KCNQ5: variants seen among roughly 807,000 people sequenced by gnomAD.
The protein encoded by KCNQ5 is potassium voltage-gated channel subfamily Q member 5, also known as potassium voltage-gated channel subfamily KQT member 5.
In KCNQ5, 30 loss-of-function variants were observed where a neutral mutation model predicts 98.2. The observed-to-expected ratio is 0.31, with a 90% CI of 0.23 to 0.41. The LOEUF (loss-of-function observed/expected upper bound fraction) is 0.41. KCNQ5 is among the 10% of genes least tolerant of loss of function. The pLI is 1.00. For missense variants in KCNQ5, 835 were observed against 1,182.5 expected, an observed-to-expected ratio of 0.71 and a Z score of 4.31; for synonymous variants, 458 against 449.4, an observed-to-expected ratio of 1.02 and a Z score of -0.24.
chr6:72,726,253 C>T (rs1770265871), intron 1 of KCNQ5, among the ~76,000 whole-genome samples: 1 of 149,744 alleles, frequency 6.7e-6, no homozygotes, highest in East Asian at 1.9e-4. Context: ...CTCTGTCGCC[C>T]AGGCTGGAGT....
intron 1 of KCNQ5, among the ~76,000 whole-genome samples, chr6:72,713,031 G>A (rs1769448887): frequency 6.6e-6 from 1 of 152,138 alleles, no homozygotes; most frequent in Non-Finnish European, 1.5e-5. Context: ...TAGGTGCTCA[G>A]TAATATGTAC....
At chr6:72,712,758 T>C (rs543384770) in intron 1 of KCNQ5, among the ~76,000 whole-genome samples, 1 of 152,332 alleles carries the variant, frequency 6.6e-6, no homozygotes, top group South Asian at 2.1e-4. Flanking sequence ...CTCCTGTTAC[T>C]TCACTCTGTA....
At chr6:72,889,292 A>G (rs1581962800) in intron 1 of KCNQ5, among the ~76,000 whole-genome samples, 1 of 152,166 alleles carries the variant, frequency 6.6e-6, no homozygotes, top group Non-Finnish European at 1.5e-5. Flanking sequence ...CTGTGGCTGG[A>G]ACAGAATGAG....
intron 1 of KCNQ5, among the ~76,000 whole-genome samples, chr6:72,844,990 A>G (rs1776957833): frequency 6.6e-6 from 1 of 152,238 alleles, no homozygotes; most frequent in Non-Finnish European, 1.5e-5. Context: ...TTAAGCAGTT[A>G]AGTCCAAGAA....
At chr6:72,645,631 G>T (rs1177281665) in intron 1 of KCNQ5, among the ~76,000 whole-genome samples, 1 of 152,130 alleles carries the variant, frequency 6.6e-6, no homozygotes, top group Non-Finnish European at 1.5e-5. Flanking sequence ...AGGAAGGGAA[G>T]AGGTAGTGAG....
chr6:73,020,493 T>C (rs1770553341), intron 2 of KCNQ5, among the ~76,000 whole-genome samples: 1 of 152,150 alleles, frequency 6.6e-6, no homozygotes, highest in Non-Finnish European at 1.5e-5. Context: ...GATGTTCAGC[T>C]ATACAGAAAT....
chr6:72,828,831 A>T (rs368525547), intron 1 of KCNQ5, among the ~76,000 whole-genome samples: 1 of 152,030 alleles, frequency 6.6e-6, no homozygotes, highest in East Asian at 1.9e-4. Flanking sequence ...AAGTGGTGAG[A>T]GTGGGCAGCC....
At chr6:73,154,673 G>T (rs1051713277) in intron 10 of KCNQ5, among the ~76,000 whole-genome samples, 2 of 151,984 alleles carry the variant, frequency 1.3e-5, no homozygotes, top group Admixed American at 6.6e-5. Flanking sequence ...AAATAAACAC[G>T]CAGCATACTA....
intron 10 of KCNQ5, among the ~76,000 whole-genome samples, chr6:73,146,950 TTA>T (rs367794852): frequency 3.9e-5 from 6 of 152,210 alleles, no homozygotes; most frequent in African/African-American, 1.4e-4. Flanking sequence ...GCTGTGAGTT[TTA>T]TGTCTTTGTT....
chr6:73,021,005 A>C (rs114642333), intron 2 of KCNQ5, among the ~76,000 whole-genome samples: 2,530 of 152,280 alleles, frequency 0.017, 24 homozygotes, highest in Middle Eastern at 0.054. Flanking sequence ...TGTGCCTTTA[A>C]AAATAATGTT....
At chr6:72,984,285 GC>G (rs1768631719) in intron 1 of KCNQ5, among the ~76,000 whole-genome samples, 2 of 152,180 alleles carry the variant, frequency 1.3e-5, no homozygotes, top group Admixed American at 1.3e-4. Flanking sequence ...GGTTTCTGCT[GC>G]CCTTTGTTCA....
intron 10 of KCNQ5, among the ~76,000 whole-genome samples, chr6:73,150,572 A>C (rs986583165): frequency 2.0e-5 from 3 of 149,322 alleles, no homozygotes; most frequent in Non-Finnish European, 3.0e-5. Flanking sequence ...CGTAGCATGT[A>C]TGTGCCACAA....
chr6:73,084,112 T>A (rs1179571284), intron 5 of KCNQ5, among the ~76,000 whole-genome samples: 1 of 151,976 alleles, frequency 6.6e-6, no homozygotes, highest in East Asian at 1.9e-4. Context: ...ATGAACAGAG[T>A]CACTGGGTTT....
chr6:72,835,070 T>C (rs1776442404), intron 1 of KCNQ5, among the ~76,000 whole-genome samples: 1 of 149,844 alleles, frequency 6.7e-6, no homozygotes, highest in Non-Finnish European at 1.5e-5. Flanking sequence ...AGTGGTAACT[T>C]TTTTTTCTTT....
chr6:73,034,683 G>A (rs59086608), intron 2 of KCNQ5, among the ~76,000 whole-genome samples: 1 of 152,110 alleles, frequency 6.6e-6, no homozygotes, highest in Non-Finnish European at 1.5e-5. Context: ...AAATGGTACA[G>A]CAGAGTTATA....
intron 1 of KCNQ5, among the ~76,000 whole-genome samples, chr6:72,935,328 C>T (rs1765867183): frequency 6.6e-6 from 1 of 152,128 alleles, no homozygotes; most frequent in Non-Finnish European, 1.5e-5. Context: ...ACCTCAGCCT[C>T]CCAAAGTGCT....
intron 1 of KCNQ5, among the ~76,000 whole-genome samples, chr6:72,727,538 T>C (rs1770346316): frequency 6.6e-6 from 1 of 152,192 alleles, no homozygotes; most frequent in South Asian, 2.1e-4. Flanking sequence ...TTTTTTTCAC[T>C]TTTGTAGACA....
intron 11 of KCNQ5, among the ~76,000 whole-genome samples, chr6:73,171,936 C>G (rs1778030477): frequency 6.6e-6 from 1 of 152,108 alleles, no homozygotes; most frequent in African/African-American, 2.4e-5. Context: ...TGCTTTACAA[C>G]CTATAAAAAG....
At chr6:73,174,082 CT>C (rs202158532) in intron 11 of KCNQ5, among the ~76,000 whole-genome samples, 5,299 of 137,160 alleles carry the variant, frequency 0.039, 113 homozygotes, top group East Asian at 0.13. Context: ...CAAGGCTACT[CT>C]TTTTTTTTTT....
Sources: allele counts gnomAD v4.1 joint callset (sites outside exome capture counted in the v4.1 genomes callset), GRCh38; gene constraint gnomAD v4.1.1; transcripts MANE v1.5; gene names NCBI Gene and HGNC (gene_info 2026-07-23, HGNC 2026-07-21).